SNX19: variants seen among roughly 807,000 people sequenced by gnomAD.
The protein encoded by SNX19 is sorting nexin 19, also known as sorting nexin-19.
SNX19 carries 60 observed loss-of-function variants against 85.2 expected under a neutral mutation model. That is an observed-to-expected ratio of 0.70 (90% CI 0.57 to 0.87). SNX19 has a LOEUF of 0.87. SNX19 is among the 40% of genes least tolerant of loss of function. SNX19 has a pLI of 0.00. For missense variants in SNX19, 1,201 were observed against 1,217.8 expected, an observed-to-expected ratio of 0.99 and a Z score of 0.21; for synonymous variants, 520 against 470.0, an observed-to-expected ratio of 1.11 and a Z score of -1.38.
intron 8 of SNX19, chr11:130,894,930 G>C: frequency 1.0e-6 from 1 of 985,414 alleles, no homozygotes. Context: ...ACTAGGCTAT[G>C]ATTTCTATTT....
Position 130,907,973 on chromosome 11 carries a change from T to G in SNX19, c.2145A>C (p.Thr715=), listed in dbSNP as rs1479059629. Residue 715 remains threonine (T), a synonymous_variant, in exon 5 of 11, where the codon ACA becomes ACC. Transcript: ENST00000265909. ...CTCACTTGCTAGCCTTCTTGCCTTC[T>G]GTCTGGGGCTTGCTTTCGGTCTCGG... ...SEAETESKPQ[T]EGKKASKSRL... 6 of 1,614,002 alleles carry G rather than the reference T, an allele frequency of 3.7e-6. No homozygotes were observed. The highest frequency in any genetic ancestry group is 2.2e-5 in the East Asian group (1 of 44,890).
intron 9 of SNX19, among the ~76,000 whole-genome samples, chr11:130,880,412 C>T (rs924940758): frequency 3.3e-5 from 5 of 152,190 alleles, no homozygotes; most frequent in Admixed American, 1.3e-4. Flanking sequence ...GAGTTCCTTT[C>T]CATTCCCTTG....
intron 5 of SNX19, among the ~76,000 whole-genome samples, chr11:130,907,585 A>G (rs1945768859): frequency 6.6e-6 from 1 of 152,234 alleles, no homozygotes; most frequent in Non-Finnish European, 1.5e-5. Context: ...ATTTCCAGAA[A>G]TGATGGCAAA....
intron 6 of SNX19, 116 bp downstream of exon 6, chr11:130,906,509 T>G: frequency 1.3e-6 from 1 of 763,630 alleles, no homozygotes; most frequent in Non-Finnish European, 2.2e-6. Flanking sequence ...ATCCAAACGT[T>G]GATTAAGTCA....
At chr11:130,890,259 A>G (rs1193452576) in intron 8 of SNX19, among the ~76,000 whole-genome samples, 1 of 152,116 alleles carries the variant, frequency 6.6e-6, no homozygotes, top group Non-Finnish European at 1.5e-5. Flanking sequence ...CCTCCTCAAT[A>G]TCTCATGAAT....
rs766032954 is a variant in SNX19 at position 130,875,309 on chromosome 11, ACAGAAG to A, written c.*3107_*3112del. On this transcript the variant is annotated 3_prime_UTR_variant, in exon 11 of 11. Coordinates refer to ENST00000265909, the MANE Select transcript of SNX19 (RefSeq NM_014758.3). Reference sequence around the variant, plus strand: ...TGAGGCGTTCAAAGTAGTCAAACTCACAGAAGCAGAAAGTAGAACAGTGATTGCCAG... The same window carrying A: ...TGAGGCGTTCAAAGTAGTCAAACTCACAGAAAGTAGAACAGTGATTGCCAG... 4 of 152,390 alleles carry A rather than the reference ACAGAAG, an allele frequency of 2.6e-5. No homozygotes were observed. Among genetic ancestry groups the A allele is most frequent in the Non-Finnish European group, 4.4e-5 (3 of 68,152 alleles). 9.4% of individuals were successfully genotyped at this position (152,390 alleles called of 1,614,324 possible). A position where few individuals can be genotyped will look rare whatever the true frequency, so the allele number is the denominator to read the frequency against.
intron 5 of SNX19, among the ~76,000 whole-genome samples, chr11:130,907,326 A>T (rs1158700156): frequency 6.8e-6 from 1 of 147,480 alleles, no homozygotes; most frequent in Non-Finnish European, 1.5e-5. Context: ...GCACAGAGAC[A>T]GAGACACACA....
Position 130,915,974 on chromosome 11 carries a change from G to C in SNX19, c.-35C>G. 1 of 1,573,578 alleles carries C rather than the reference G, an allele frequency of 6.4e-7. No homozygotes were observed. The highest frequency in any genetic ancestry group is 2.3e-5 in the East Asian group (1 of 43,916). ...GACAAGGTGGCTTCCCCAGATGACAGCCCTCAAGATTTTACTTCAGAGTTA... is the reference window on the plus strand; with the variant it reads ...GACAAGGTGGCTTCCCCAGATGACACCCCTCAAGATTTTACTTCAGAGTTA... On this transcript the variant is annotated 5_prime_UTR_variant, in exon 1 of 11. Transcript: ENST00000265909.
At position 130,872,847 on chromosome 11, in the gene SNX19, T is replaced by C. The variant is rs993607799; in HGVS notation, c.*5575A>G. ...ATCCAGCAGTGTGGGCTAACCTTCC[T>C]TTCCTCATCCTGGGAAAACACATCT... On this transcript the variant is annotated 3_prime_UTR_variant, in exon 11 of 11. Transcript: ENST00000265909. Among the ~76,000 whole-genome samples, 18 of 152,298 alleles carry C rather than the reference T, an allele frequency of 1.2e-4. No homozygotes were observed. The highest frequency in any genetic ancestry group is 7.7e-4 in the East Asian group (4 of 5,174).
At chr11:130,901,584 A>C (rs1945261356) in intron 8 of SNX19, among the ~76,000 whole-genome samples, 2 of 152,218 alleles carry the variant, frequency 1.3e-5, no homozygotes, top group Non-Finnish European at 2.9e-5. Context: ...TATTCAGGCA[A>C]TGATGGACGT....
At position 130,870,532 on chromosome 11, in the gene SNX19, G is replaced by T. The variant is rs926693547; in HGVS notation, c.*7890C>A. 3.9e-5 allele frequency among the ~76,000 whole-genome samples: 6 copies of T among 152,206 alleles called. No individual in the cohort carries two copies. Among genetic ancestry groups the T allele is most frequent in the African/African-American group, 1.4e-4 (6 of 41,464 alleles). ...CGCAAGATGTACAAAGCTGTCTGGG[G>T]CAGGTCTGGTACAGACTAGCCAGTG... On this transcript the variant is annotated 3_prime_UTR_variant, in exon 11 of 11. Coordinates refer to ENST00000265909, the MANE Select transcript of SNX19 (RefSeq NM_014758.3).
rs1285345223 is a variant in SNX19, at chr11:130,878,436, C to T, written c.2965G>A (p.Gly989Ser). Residue 989 changes from glycine to serine, a missense_variant, in exon 11 of 11, where the codon GGT becomes AGT. Coordinates refer to ENST00000265909, the MANE Select transcript of SNX19 (RefSeq NM_014758.3). ...TGAATAACCAGCTAAGAGGAGACACCCATCCTCTTAGAGTTGCCTGGGGTA... is the reference window on the plus strand; with the variant it reads ...TGAATAACCAGCTAAGAGGAGACACTCATCCTCTTAGAGTTGCCTGGGGTA... ...SDTPGNSKRM[G>S]VSS The T allele has an allele frequency of 1.9e-6, 3 of 1,613,526 alleles. No homozygotes were observed. The highest frequency in any genetic ancestry group is 2.7e-5 in the African/African-American group (2 of 74,928).
At chr11:130,903,104 A>T in intron 8 of SNX19, 151 bp downstream of exon 8, 1 of 1,074,234 alleles carries the variant, frequency 9.3e-7, no homozygotes, top group South Asian at 1.7e-5. Context: ...AAGCTTTCTG[A>T]TACTCTCAAG....
intron 8 of SNX19, among the ~76,000 whole-genome samples, chr11:130,891,439 GGA>G (rs1482132760): frequency 1.3e-5 from 2 of 152,176 alleles, no homozygotes; most frequent in Non-Finnish European, 2.9e-5. Flanking sequence ...AAATCCTGGA[GGA>G]GAGAGACAGC....
chr11:130,894,116 A>G (rs530458044), intron 8 of SNX19, among the ~76,000 whole-genome samples: 1 of 103,822 alleles, frequency 9.6e-6, no homozygotes, highest in Admixed American at 8.7e-5. Context: ...AGCACTGACA[A>G]TCTCCATCTT....
At chr11:130,889,367 T>C (rs1259450769) in intron 8 of SNX19, among the ~76,000 whole-genome samples, 1 of 152,126 alleles carries the variant, frequency 6.6e-6, no homozygotes, top group Admixed American at 6.5e-5. Flanking sequence ...AAGCATTGGT[T>C]GAGCTTCTTG....
chr11:130,894,452 G>A lies in SNX19; in HGVS notation c.2573+8803C>T, dbSNP rs1200857896. The stretch of plus-strand genomic sequence containing the variant: ...ATCTAAAAGTCACTGGCACTAAGGA[G>A]TAGGCAGATAAGTGGCCTCTAAACC... On this transcript the variant is annotated intron_variant, in intron 8 of 10. Coordinates refer to ENST00000265909, the MANE Select transcript of SNX19 (RefSeq NM_014758.3). 3.3e-5 allele frequency among the ~76,000 whole-genome samples: 5 copies of A among 152,232 alleles called. No homozygotes were observed. The South Asian group carries it at 8.3e-4, about 25-fold the overall frequency.
chr11:130,905,272 C>T (rs1945576796), intron 7 of SNX19, among the ~76,000 whole-genome samples: 1 of 152,214 alleles, frequency 6.6e-6, no homozygotes, highest in Admixed American at 6.5e-5. Flanking sequence ...CACCTCTTCT[C>T]CCTCCCTACT....
intron 7 of SNX19, among the ~76,000 whole-genome samples, chr11:130,904,426 C>T (rs1029800426): frequency 1.3e-5 from 2 of 152,180 alleles, no homozygotes; most frequent in Non-Finnish European, 2.9e-5. Flanking sequence ...TCCCTCTTAA[C>T]CCTATATAAT....
Sources: allele counts gnomAD v4.1 joint callset (sites outside exome capture counted in the v4.1 genomes callset), GRCh38; gene constraint gnomAD v4.1.1; transcripts MANE v1.5; gene names NCBI Gene and HGNC (gene_info 2026-07-23, HGNC 2026-07-21).